Variants in FSD1 observed in about 807,000 individuals in gnomAD.
FSD1 encodes fibronectin type III and SPRY domain-containing protein 1.
Under a neutral mutation model 58.2 loss-of-function variants are expected in FSD1, and 23 were observed. That is an observed-to-expected ratio of 0.40 (90% confidence interval 0.28 to 0.56). The LOEUF is 0.56. FSD1 is among the 20% of genes least tolerant of loss of function. FSD1 has a pLI of 0.54. For synonymous variants in FSD1, 265 were observed against 263.4 expected, an observed-to-expected ratio of 1.01 and a Z score of -0.06; for missense variants, 563 against 670.8, an observed-to-expected ratio of 0.84 and a Z score of 1.78.
At chr19:4,320,170 CAG>C (rs1210093280) in intron 10 of FSD1, among the ~76,000 whole-genome samples, 1 of 151,990 alleles carries the variant, frequency 6.6e-6, no homozygotes, top group Admixed American at 6.6e-5. Flanking sequence ...CTGGCCTCAG[CAG>C]TAGCTGAGGC....
chr19:4,306,469 T>A, intron 3 of FSD1, 140 bp downstream of exon 3: 1 of 715,226 alleles, frequency 1.4e-6, no homozygotes, highest in Non-Finnish European at 2.2e-6. Flanking sequence ...CTGTACACTC[T>A]CTCTTTTTTT....
At chr19:4,318,713 G>GAC (rs1409083692) in intron 9 of FSD1, among the ~76,000 whole-genome samples, 159 bp from the exon 10 acceptor site, 1 of 152,164 alleles carries the variant, frequency 6.6e-6, no homozygotes, top group Non-Finnish European at 1.5e-5. Flanking sequence ...GGCATGTTCT[G>GAC]ACATAAACAT....
chr19:4,312,075 C>T (rs779785475), intron 7 of FSD1, 24 bp downstream of exon 7: 14 of 1,571,922 alleles, frequency 8.9e-6, no homozygotes, highest in Middle Eastern at 1.9e-4. Context: ...GTGCCAGCTC[C>T]GCCCAGCTGT....
chr19:4,317,346 A>C (rs1971766303), intron 8 of FSD1, 66 bp downstream of exon 8: 5 of 989,438 alleles, frequency 5.1e-6, no homozygotes, highest in Non-Finnish European at 8.1e-6. Context: ...GCCCCCAGAG[A>C]CCATGAGAAT....
chr19:4,306,917 TG>T (rs1425446051), intron 3 of FSD1, among the ~76,000 whole-genome samples: 1 of 152,106 alleles, frequency 6.6e-6, no homozygotes, highest in Non-Finnish European at 1.5e-5. Flanking sequence ...ATGGCTCCCG[TG>T]GGCTGTCACT....
At chr19:4,318,289 C>G in intron 8 of FSD1, 57 bp from the exon 9 acceptor site, 1 of 1,611,660 alleles carries the variant, frequency 6.2e-7, no homozygotes. Flanking sequence ...CTCTGTCTCT[C>G]TCTGTGTCTC....
rs368914993 is a variant in FSD1, at chr19:4,323,339, C to T, written c.1292-9C>T. ...CCGGTCCCACTGTCACTCTGCCCCC[C>T]GACCCCAGGCCTCCTGTCCTTCTAC... On this transcript the variant is annotated splice_polypyrimidine_tract_variant and intron_variant, in intron 11 of 12. Coordinates refer to ENST00000221856, the MANE Select transcript of FSD1 (RefSeq NM_024333.3). The surrounding 1 kb of genome is among the most constrained non-coding windows in gnomAD (Gnocchi z 7.7). 56 of 1,613,118 alleles carry T rather than the reference C, an allele frequency of 3.5e-5. No homozygotes were observed. The African/African-American group carries it at 5.1e-4, about 15-fold the overall frequency.
intron 4 of FSD1, among the ~76,000 whole-genome samples, chr19:4,309,452 G>C (rs963758559): frequency 1.3e-5 from 2 of 152,128 alleles, no homozygotes; most frequent in African/African-American, 4.8e-5. Context: ...TTTGCCAGCT[G>C]TATGGGCTGG....
intron 4 of FSD1, 103 bp downstream of exon 4, chr19:4,308,086 G>A (rs1048906488): frequency 1.6e-5 from 14 of 877,668 alleles, no homozygotes; most frequent in African/African-American, 1.5e-4. Context: ...CCACCCATGC[G>A]ATAGTTGGCA....
chr19:4,319,625 G>C (rs925304651), intron 10 of FSD1, among the ~76,000 whole-genome samples: 1 of 152,124 alleles, frequency 6.6e-6, no homozygotes, highest in Admixed American at 6.6e-5. Context: ...CTAAGGGGAA[G>C]TTATGGTTCT....
At chr19:4,320,147 C>T (rs756948595) in intron 10 of FSD1, among the ~76,000 whole-genome samples, 1 of 151,868 alleles carries the variant, frequency 6.6e-6, no homozygotes, top group African/African-American at 2.4e-5. Flanking sequence ...TGGGGAATGC[C>T]TTGGGGGAAC....
At chr19:4,307,817 G>A in intron 3 of FSD1, 65 bp from the exon 4 acceptor site, 1 of 1,196,470 alleles carries the variant, frequency 8.4e-7, no homozygotes, top group Non-Finnish European at 1.2e-6. Context: ...ATGGGGTGGG[G>A]AGCCCTCAGG....
intron 7 of FSD1, among the ~76,000 whole-genome samples, chr19:4,315,227 G>A (rs1971740229): frequency 6.6e-6 from 1 of 151,676 alleles, no homozygotes; most frequent in Non-Finnish European, 1.5e-5. Flanking sequence ...CCAGGTTCAA[G>A]CGATTCTCCT....
rs550629126 is a variant in FSD1, at chr19:4,317,537, G to A, written c.799+257G>A. Among the ~76,000 whole-genome samples, 9 of 152,282 alleles carry A rather than the reference G, an allele frequency of 5.9e-5. No homozygotes were observed. In the South Asian group the frequency reaches 1.2e-3, roughly 21 times the overall value. ...TCTCTCTTTGCCAAAAAATAGATAA[G>A]TCCTCTATAGAGCTGGGGATGAGAT... On this transcript the variant is annotated intron_variant, in intron 8 of 12. Coordinates refer to ENST00000221856, the MANE Select transcript of FSD1 (RefSeq NM_024333.3).
In FSD1 at chr19:4,306,441, C is replaced by T. The variant is rs545444732; in HGVS notation, c.243+112C>T. 1.9e-5 allele frequency: 19 copies of T among 992,258 alleles called. 1 individual carries two copies. In the South Asian group the frequency reaches 2.7e-4, roughly 14 times the overall value. 61.5% of individuals were successfully genotyped at this position (992,258 alleles called of 1,614,324 possible). On this transcript the variant is annotated intron_variant, in intron 3 of 12. Transcript: ENST00000221856. ...GTGCTCTCGAGTTTCTGATCTCTCCCCTGACCCCTCCATCCACCTGTACAC... is the reference window on the plus strand; with the variant it reads ...GTGCTCTCGAGTTTCTGATCTCTCCTCTGACCCCTCCATCCACCTGTACAC...
Position 4,306,012 on chromosome 19 carries a change from T to A in FSD1, c.82T>A (p.Ser28Thr), listed in dbSNP as rs961644548. 5.6e-6 allele frequency: 9 copies of A among 1,613,918 alleles called. No individual in the cohort carries two copies. The highest frequency in any genetic ancestry group is 7.6e-6 in the Non-Finnish European group (9 of 1,179,922). The change falls in exon 2 of 13, where the codon TCC becomes ACC. Residue 28 changes from serine to threonine, a missense_variant. By Grantham distance (58) the Ser-to-Thr change is moderately conservative. Transcript: ENST00000221856. Reference protein sequence around the residue: ...KNEEIQSFIYSLKQMLLNVEA... With the variant: ...KNEEIQSFIYTLKQMLLNVEA... ...TGAAGAAATTCAGAGCTTTATCTACTCCCTGAAACAGATGCTGCTGAACGT... is the reference window on the plus strand; with the variant it reads ...TGAAGAAATTCAGAGCTTTATCTACACCCTGAAACAGATGCTGCTGAACGT...
intron 4 of FSD1, 90 bp from the exon 5 acceptor site, chr19:4,310,183 C>G (rs1971672594): frequency 7.0e-7 from 1 of 1,434,316 alleles, no homozygotes; most frequent in Non-Finnish European, 9.8e-7. Context: ...CGAGATCTCT[C>G]CACTGCAATC....
intron 7 of FSD1, among the ~76,000 whole-genome samples, chr19:4,312,446 G>A (rs1056162371): frequency 5.9e-5 from 9 of 151,792 alleles, no homozygotes; most frequent in African/African-American, 1.5e-4. Context: ...AGCCGAGATC[G>A]CGCTATTGCA....
chr19:4,322,151 A>G (rs368167458), intron 10 of FSD1, among the ~76,000 whole-genome samples: 3,802 of 114,444 alleles, frequency 0.033, 111 homozygotes, highest in African/African-American at 0.1. Context: ...AAGTATCTGG[A>G]GGGGATAGCT....
Sources: allele counts gnomAD v4.1 joint callset (sites outside exome capture counted in the v4.1 genomes callset), GRCh38; gene constraint gnomAD v4.1.1; non-coding constraint Gnocchi (gnomAD v3.1); transcripts MANE v1.5; gene names NCBI Gene and HGNC (gene_info 2026-07-23, HGNC 2026-07-21).